SLC49A4: variants seen among roughly 807,000 people sequenced by gnomAD.
The protein encoded by SLC49A4 is solute carrier family 49 member 4, also known as disrupted in renal cancer protein 2.
SLC49A4 carries 36 observed loss-of-function variants against 50.6 expected under a neutral mutation model. That is an observed-to-expected ratio of 0.71 (90% CI 0.55 to 0.94). The LOEUF (loss-of-function observed/expected upper bound fraction) is 0.94, where lower values mean the gene tolerates loss of function less well. Ranked by LOEUF, SLC49A4 falls within the 40% of genes least tolerant of loss-of-function variation. SLC49A4 has a pLI of 0.00. For synonymous variants in SLC49A4, 248 were observed against 241.2 expected (o/e 1.03, Z -0.26); for missense variants, 503 against 605.7 (o/e 0.83, Z 1.78).
chr3:122,849,923 C>G (rs989247855), intron 5 of SLC49A4, among the ~76,000 whole-genome samples: 1 of 151,814 alleles, frequency 6.6e-6, no homozygotes, highest in African/African-American at 2.4e-5. Context: ...TGTAGTGTTC[C>G]CCCAATGTTT....
At chr3:122,837,295 G>T (rs1193668880) in intron 4 of SLC49A4, among the ~76,000 whole-genome samples, 5 of 152,020 alleles carry the variant, frequency 3.3e-5, no homozygotes, top group Admixed American at 3.3e-4. Context: ...GGCATCATGT[G>T]ACCTGACTTC....
At chr3:122,859,221 G>A (rs181239672) in intron 6 of SLC49A4, among the ~76,000 whole-genome samples, 2 of 152,226 alleles carry the variant, frequency 1.3e-5, no homozygotes, top group African/African-American at 4.8e-5. Context: ...GATCCGGGTG[G>A]TACCAGCATT....
chr3:122,839,939 A>G (rs1349182023), intron 4 of SLC49A4, among the ~76,000 whole-genome samples: 1 of 152,222 alleles, frequency 6.6e-6, no homozygotes, highest in Non-Finnish European at 1.5e-5. Flanking sequence ...ATGCACATGC[A>G]CATACATGTT....
intron 1 of SLC49A4, among the ~76,000 whole-genome samples, chr3:122,800,733 ACACATAAGGTG>A (rs1665145110): frequency 1.3e-5 from 2 of 152,212 alleles, no homozygotes; most frequent in African/African-American, 4.8e-5. Flanking sequence ...GATAGAGTAT[ACACATAAGGTG>A]CAGATGGTGG....
chr3:122,874,922 C>G (rs930462653), intron 8 of SLC49A4, among the ~76,000 whole-genome samples: 16 of 152,190 alleles, frequency 1.1e-4, no homozygotes, highest in African/African-American at 3.9e-4. Flanking sequence ...AGTTAAATAT[C>G]TAGTCTTCCA....
chr3:122,845,510 T>C (rs1936834759), intron 4 of SLC49A4, among the ~76,000 whole-genome samples: 1 of 152,122 alleles, frequency 6.6e-6, no homozygotes, highest in African/African-American at 2.4e-5. Flanking sequence ...TAAGTTCTTT[T>C]AGAAATTGCC....
chr3:122,832,273 G>A (rs1005071850), intron 3 of SLC49A4, among the ~76,000 whole-genome samples: 1 of 152,156 alleles, frequency 6.6e-6, no homozygotes, highest in African/African-American at 2.4e-5. Flanking sequence ...TACTAGGGCT[G>A]TGCTTTTCTA....
At chr3:122,815,005 A>G (rs978625238) in intron 2 of SLC49A4, among the ~76,000 whole-genome samples, 1 of 151,966 alleles carries the variant, frequency 6.6e-6, no homozygotes, top group Admixed American at 6.5e-5. Context: ...TTGCTCCAGC[A>G]TCTCCTAGGG....
intron 1 of SLC49A4, among the ~76,000 whole-genome samples, chr3:122,804,479 A>G (rs1256077727): frequency 6.6e-6 from 1 of 152,190 alleles, no homozygotes; most frequent in Non-Finnish European, 1.5e-5. Flanking sequence ...TGATGAGCTG[A>G]TATCTTTTTG....
intron 1 of SLC49A4, among the ~76,000 whole-genome samples, chr3:122,803,713 G>T (rs1166056962): frequency 2.6e-5 from 4 of 152,158 alleles, no homozygotes; most frequent in African/African-American, 9.7e-5. Context: ...TGGGTGTGTG[G>T]GTTGTGGGGG....
At chr3:122,804,800 A>G (rs1936190985) in intron 1 of SLC49A4, among the ~76,000 whole-genome samples, 1 of 152,214 alleles carries the variant, frequency 6.6e-6, no homozygotes, top group South Asian at 2.1e-4. Flanking sequence ...TTGCTTTAAT[A>G]AGCAGTTTTT....
In SLC49A4 at chr3:122,872,542, T is replaced by C. The variant is rs1553765652; in HGVS notation, c.1266T>C (p.Phe422=). 1 of 1,609,890 alleles carries C rather than the reference T, an allele frequency of 6.2e-7. No homozygotes were observed. Among genetic ancestry groups the C allele is most frequent in the Admixed American group, 1.7e-5 (1 of 59,978 alleles). The change falls in exon 8 of 9, where the codon TTT becomes TTC. Residue 422 remains phenylalanine, a synonymous_variant. Transcript: ENST00000261038. ...PEGITCGVVT[F]LSNMFMGVLL... is the part of the protein sequence containing the mutation. ...GAATTACTTGTGGAGTTGTCACTTTTTTAAGTAATATGTTTATGGGAGTAC... is the reference window on the plus strand; with the variant it reads ...GAATTACTTGTGGAGTTGTCACTTTCTTAAGTAATATGTTTATGGGAGTAC...
At chr3:122,804,772 A>G (rs921886935) in intron 1 of SLC49A4, among the ~76,000 whole-genome samples, 19 of 152,254 alleles carry the variant, frequency 1.2e-4, no homozygotes, top group Non-Finnish European at 2.1e-4. Flanking sequence ...GGCGTGAACC[A>G]CAGTGCCTGG....
intron 8 of SLC49A4, among the ~76,000 whole-genome samples, chr3:122,878,901 CAG>C (rs895023637): frequency 1.6e-4 from 25 of 152,112 alleles, no homozygotes; most frequent in Non-Finnish European, 1.8e-4. Flanking sequence ...TATTTATAAA[CAG>C]GGACAAGAGT....
At chr3:122,857,908 CTAGA>C (rs1411089453) in intron 6 of SLC49A4, among the ~76,000 whole-genome samples, 2 of 152,080 alleles carry the variant, frequency 1.3e-5, no homozygotes, top group African/African-American at 4.8e-5. Flanking sequence ...TTAATTTTAA[CTAGA>C]TATAGATATA....
chr3:122,807,068 T>A (rs1936229685), intron 2 of SLC49A4, 118 bp downstream of exon 2: 1 of 562,860 alleles, frequency 1.8e-6, no homozygotes, highest in Non-Finnish European at 3.1e-6. Context: ...CTCTATATGA[T>A]GATTAATTTA....
chr3:122,875,827 A>G (rs2107585551), intron 8 of SLC49A4, among the ~76,000 whole-genome samples: 1 of 152,276 alleles, frequency 6.6e-6, no homozygotes, highest in South Asian at 2.1e-4. Context: ...CCATAATGGA[A>G]TATCTTGCCT....
chr3:122,822,304 T>C lies in SLC49A4; in HGVS notation c.438-4496T>C, dbSNP rs140357933. Among the ~76,000 whole-genome samples the C allele has an allele frequency of 7.7e-3, 1,174 of 152,310 alleles. 9 individuals are homozygous for C. The highest frequency in any genetic ancestry group is 0.012 in the Non-Finnish European group (823 of 68,014). On this transcript the variant is annotated intron_variant, in intron 2 of 8. Transcript: ENST00000261038. ...TCTTTCATAAGTGCTTAGAAAGCAT[T>C]AGGATAATCGTGAGTCGCATTTTAT...
intron 5 of SLC49A4, among the ~76,000 whole-genome samples, chr3:122,848,600 G>GCTA (rs1936887265): frequency 6.6e-6 from 1 of 152,074 alleles, no homozygotes; most frequent in African/African-American, 2.4e-5. Context: ...TACCTTCTAT[G>GCTA]TGTTTGTTAG....
Sources: gnomAD v4.1 joint callset for allele counts (sites outside exome capture counted in the v4.1 genomes callset) on GRCh38, gnomAD v4.1.1 for gene constraint, MANE v1.5 for transcripts, NCBI Gene and HGNC (gene_info 2026-07-23, HGNC 2026-07-21) for gene names.